MSH4: variants seen among roughly 807,000 people sequenced by gnomAD.
The protein encoded by MSH4 is mutS homolog 4, also known as mutS protein homolog 4.
A neutral mutation model predicts 113.7 loss-of-function variants in MSH4; 106 were observed. That is an observed-to-expected ratio of 0.93 (90% CI 0.80 to 1.10). The LOEUF is 1.10. MSH4 is among the 50% of genes least tolerant of loss of function. The probability of loss-of-function intolerance (pLI) is 0.00; values close to 1 mark genes in which losing one functional copy is unlikely to be tolerated. For synonymous variants in MSH4, 368 were observed against 380.2 expected (o/e 0.97, Z 0.37); for missense variants, 1,061 against 1,093.7 (o/e 0.97, Z 0.42).
intron 9 of MSH4, among the ~76,000 whole-genome samples, chr1:75,869,756 A>G (rs917891051): frequency 6.6e-6 from 1 of 152,200 alleles, no homozygotes; most frequent in African/African-American, 2.4e-5. Context: ...ATGTACGGAA[A>G]TGCCTGGATG....
chr1:75,906,078 C>T (rs1571002217), intron 19 of MSH4, among the ~76,000 whole-genome samples: 1 of 151,876 alleles, frequency 6.6e-6, no homozygotes, highest in Admixed American at 6.6e-5. Flanking sequence ...GCAACCTCCA[C>T]CTCCCAGGTT....
At chr1:75,798,501 T>C (rs1178624487) in intron 1 of MSH4, among the ~76,000 whole-genome samples, 2 of 152,198 alleles carry the variant, frequency 1.3e-5, no homozygotes, top group Middle Eastern at 3.4e-3. Flanking sequence ...GAAGTTTTTA[T>C]TGATGGACTA....
intron 8 of MSH4, among the ~76,000 whole-genome samples, chr1:75,855,666 T>C (rs1012210619): frequency 1.3e-5 from 2 of 152,226 alleles, no homozygotes; most frequent in Non-Finnish European, 2.9e-5. Context: ...TGTGTTTCCA[T>C]GTGTTCACAT....
At chr1:75,881,497 A>C in intron 14 of MSH4, 127 bp downstream of exon 14, 1 of 881,290 alleles carries the variant, frequency 1.1e-6, no homozygotes, top group Non-Finnish European at 1.6e-6. Context: ...CTCTGGTCCT[A>C]GACTAAGACA....
At chr1:75,833,517 G>A (rs963568978) in intron 7 of MSH4, among the ~76,000 whole-genome samples, 4 of 152,112 alleles carry the variant, frequency 2.6e-5, no homozygotes, top group African/African-American at 9.7e-5. Flanking sequence ...GAGGCATCAC[G>A]CTACATGACT....
chr1:75,806,235 GTTTTTTTTTTTTTTTT>G (rs775023850), intron 2 of MSH4, among the ~76,000 whole-genome samples: 1 of 60,748 alleles, frequency 1.6e-5, no homozygotes, highest in Non-Finnish European at 2.7e-5. Context: ...TTTCTGTTTG[GTTTTTTTTTTTTTTTT>G]TTTTTTTTTT....
chr1:75,879,216 C>A, intron 12 of MSH4, 88 bp downstream of exon 12: 2 of 1,269,026 alleles, frequency 1.6e-6, no homozygotes, highest in South Asian at 1.3e-5. Context: ...GTTTTGCAAG[C>A]CAAATTTCTG....
At chr1:75,892,396 T>TTTCTCTC (rs1652275698) in intron 17 of MSH4, among the ~76,000 whole-genome samples, 1 of 124,608 alleles carries the variant, frequency 8.0e-6, no homozygotes, top group Non-Finnish European at 1.8e-5. Flanking sequence ...CTCTCTCTCT[T>TTTCTCTC]TCTCTCTCTC....
intron 19 of MSH4, among the ~76,000 whole-genome samples, chr1:75,903,046 A>G (rs960526584): frequency 1.3e-5 from 2 of 151,284 alleles, no homozygotes; most frequent in Non-Finnish European, 1.5e-5. Flanking sequence ...GCTTTTTAAC[A>G]TAATGTAATT....
At chr1:75,898,557 C>T (rs1365656635) in intron 18 of MSH4, among the ~76,000 whole-genome samples, 2 of 146,042 alleles carry the variant, frequency 1.4e-5, no homozygotes, top group Admixed American at 7.0e-5. Flanking sequence ...CTCACTCTGT[C>T]GCCCAGGCTG....
rs1652813656 is a variant in MSH4 at position 75,912,685 on chromosome 1, T to C, written c.2620-11T>C. 2 of 1,419,606 alleles carry C rather than the reference T, an allele frequency of 1.4e-6. No homozygotes were observed. Among genetic ancestry groups the C allele is most frequent in the Admixed American group, 3.2e-5 (1 of 31,500 alleles). The allele number at this position is 1,419,606 out of a possible 1,614,324, so 87.9% of individuals were successfully genotyped here. ...GTATATATATATATATTTTTTTTTT[T>C]TCAATGACAGCAAAACCAAAGGAGT... is the stretch of plus-strand genomic sequence containing the variant. On this transcript the variant is annotated splice_polypyrimidine_tract_variant and intron_variant, in intron 19 of 19. Transcript: ENST00000263187.
chr1:75,812,951 T>G (rs1280051449), intron 4 of MSH4, among the ~76,000 whole-genome samples: 2 of 152,064 alleles, frequency 1.3e-5, no homozygotes, highest in Non-Finnish European at 2.9e-5. Context: ...GTTGGAGGCT[T>G]AGTTGAGAAG....
intron 1 of MSH4, 22 bp from the exon 2 acceptor site, chr1:75,803,709 A>T: frequency 1.3e-6 from 2 of 1,492,210 alleles, no homozygotes; most frequent in Non-Finnish European, 1.8e-6. Flanking sequence ...TTAAGAATTG[A>T]CTGTTAATTT....
At chr1:75,809,886 A>G (rs112431348) in intron 3 of MSH4, among the ~76,000 whole-genome samples, 33,883 of 151,964 alleles carry the variant, frequency 0.22, 4,403 homozygotes, top group Middle Eastern at 0.35. Context: ...CCTGACCTCA[A>G]GTGATGCAGT....
chr1:75,885,966 AGCATG>A (rs1422982876), intron 15 of MSH4, among the ~76,000 whole-genome samples: 3 of 116,126 alleles, frequency 2.6e-5, no homozygotes, highest in Admixed American at 1.1e-4. Context: ...TGTATTATAT[AGCATG>A]TATAGTATAT....
intron 7 of MSH4, among the ~76,000 whole-genome samples, chr1:75,837,302 AT>A (rs1557503419): frequency 6.6e-6 from 1 of 151,538 alleles, no homozygotes; most frequent in Non-Finnish European, 1.5e-5. Flanking sequence ...GCTTGTGGTA[AT>A]TTTTTATAGC....
chr1:75,895,763 C>T (rs777776675), intron 17 of MSH4, among the ~76,000 whole-genome samples: 14 of 152,118 alleles, frequency 9.2e-5, no homozygotes, highest in Admixed American at 2.0e-4. Flanking sequence ...GACGTTACCT[C>T]CTTTTCTGGA....
intron 8 of MSH4, 97 bp from the exon 9 acceptor site, chr1:75,867,417 A>G (rs1651610073): frequency 5.7e-6 from 4 of 704,820 alleles, no homozygotes; most frequent in Non-Finnish European, 4.9e-6. Flanking sequence ...ATAAAAATAT[A>G]TGGGATATGG....
intron 7 of MSH4, among the ~76,000 whole-genome samples, chr1:75,838,025 C>T (rs1174130937): frequency 1.3e-5 from 2 of 152,144 alleles, no homozygotes; most frequent in South Asian, 2.1e-4. Context: ...GAGACTATCA[C>T]TCTGTATTCA....
Sources: allele counts gnomAD v4.1 joint callset (sites outside exome capture counted in the v4.1 genomes callset), GRCh38; gene constraint gnomAD v4.1.1; transcripts MANE v1.5; gene names NCBI Gene and HGNC (gene_info 2026-07-23, HGNC 2026-07-21).